The following NAV1 variants were observed in gnomAD, a reference collection of about 807,000 sequenced individuals.
The protein encoded by NAV1 is pore membrane and/or filament interacting like protein 3.
NAV1 carries 18 observed loss-of-function variants against 175.2 expected under a neutral mutation model. That is an observed-to-expected ratio of 0.10 (90% CI 0.07 to 0.15). The LOEUF is 0.15. NAV1 is among the 10% of genes least tolerant of loss of function. The pLI is 1.00. For missense variants in NAV1, 1,731 were observed against 2,436.6 expected (o/e 0.71, Z 6.10); for synonymous variants, 897 against 978.7 (o/e 0.92, Z 1.56).
At chr1:201,766,221 A>G (rs1335651866) in intron 3 of NAV1, among the ~76,000 whole-genome samples, 1 of 151,896 alleles carries the variant, frequency 6.6e-6, no homozygotes, top group Non-Finnish European at 1.5e-5. Context: ...TCTCTGCCCC[A>G]CCCTCTCTTC....
intron 1 of NAV1, among the ~76,000 whole-genome samples, 182 bp downstream of exon 5, chr1:201,649,607 T>C (rs1168444615): frequency 2.0e-5 from 3 of 152,186 alleles, no homozygotes; most frequent in East Asian, 3.9e-4. Flanking sequence ...CAGATGCGCA[T>C]GGCTCAAGTG....
chr1:201,675,410 AG>A (rs1208177980), intron 1 of NAV1, among the ~76,000 whole-genome samples: 1 of 152,192 alleles, frequency 6.6e-6, no homozygotes, highest in Non-Finnish European at 1.5e-5. Flanking sequence ...TCACAAGGCC[AG>A]GGCTGGCCAG....
Position 201,811,593 on chromosome 1 carries a change from T to G in NAV1, c.4798-10T>G. 1 of 1,614,102 alleles carries G rather than the reference T, an allele frequency of 6.2e-7. No homozygotes were observed. The highest frequency in any genetic ancestry group is 8.5e-7 in the Non-Finnish European group (1 of 1,180,004). ...CCCAAGTGCTGACCCACAGCCTTCT[T>G]TTATTCCAGGATCTGCAACTGTATC... is the stretch of plus-strand genomic sequence containing the variant. On this transcript the variant is annotated splice_polypyrimidine_tract_variant and intron_variant, in intron 24 of 29. Transcript: ENST00000367296.
intron 3 of NAV1, among the ~76,000 whole-genome samples, chr1:201,751,562 A>G (rs1674108275): frequency 6.6e-6 from 1 of 152,180 alleles, no homozygotes; most frequent in South Asian, 2.1e-4. Context: ...ATCCAATCTC[A>G]TGGGGTGTTG....
chr1:201,592,059 T>A (rs1480769120), intron 2 of NAV1, among the ~76,000 whole-genome samples: 1 of 152,136 alleles, frequency 6.6e-6, no homozygotes, highest in East Asian at 1.9e-4. Context: ...CAGAGGTGTC[T>A]TCTCTCCCTC....
chr1:201,602,670 T>G (rs1372908642), intron 2 of NAV1, among the ~76,000 whole-genome samples: 17 of 144,454 alleles, frequency 1.2e-4, no homozygotes, highest in African/African-American at 3.9e-4. Context: ...TTTTTTGGTT[T>G]TTTTTTTACC....
At chr1:201,816,842 T>G (rs770438580) in intron 28 of NAV1, 58 of 478,878 alleles carry the variant, frequency 1.2e-4, no homozygotes, top group Non-Finnish European at 2.1e-4. Flanking sequence ...TTTTTTTTTC[T>G]TTTTTCTTTT....
rs187860654 is a variant in NAV1, at chr1:201,662,042, G to A, written c.757+12617G>A. Among the ~76,000 whole-genome samples, 29 of 152,362 alleles carry A rather than the reference G, an allele frequency of 1.9e-4. 1 individual carries two copies. The East Asian group carries it at 5.0e-3, about 26-fold the overall frequency. On this transcript the variant is annotated intron_variant, in intron 1 of 29. Coordinates refer to ENST00000367296, the Ensembl canonical transcript of NAV1. ...TTCCCCAAGGTCACACAGCCACGAA[G>A]TGGAGTCTGGGTATGACCCCCAGGC...
At chr1:201,602,928 A>G (rs918419673) in intron 2 of NAV1, among the ~76,000 whole-genome samples, 2 of 152,162 alleles carry the variant, frequency 1.3e-5, no homozygotes, top group African/African-American at 4.8e-5. Context: ...TGCTGTTGGT[A>G]TTATTGGAAA....
At chr1:201,561,354 G>A (rs1431590381) in intron 1 of NAV1, among the ~76,000 whole-genome samples, 2 of 152,200 alleles carry the variant, frequency 1.3e-5, no homozygotes, top group Non-Finnish European at 1.5e-5. Flanking sequence ...GAAGGTAAAC[G>A]AATCTGCCCC....
chr1:201,562,189 G>A (rs1037279364), intron 1 of NAV1, among the ~76,000 whole-genome samples: 9 of 58,692 alleles, frequency 1.5e-4, no homozygotes, highest in Admixed American at 5.6e-4. Context: ...TTTTTTTTTT[G>A]TAGAGACAGC....
intron 2 of NAV1, among the ~76,000 whole-genome samples, chr1:201,596,449 C>T (rs2102223058): frequency 6.6e-6 from 1 of 152,358 alleles, no homozygotes; most frequent in Admixed American, 6.5e-5. Context: ...AGTCCTGTTA[C>T]TGGCTGGGCT....
intron 1 of NAV1, among the ~76,000 whole-genome samples, chr1:201,655,909 AG>A (rs1669387729): frequency 6.6e-6 from 1 of 152,064 alleles, no homozygotes; most frequent in African/African-American, 2.4e-5. Context: ...ATAGGTGGGA[AG>A]CTCCCATTAG....
chr1:201,599,432 T>C (rs549737702), intron 2 of NAV1, among the ~76,000 whole-genome samples: 1 of 152,174 alleles, frequency 6.6e-6, no homozygotes, highest in African/African-American at 2.4e-5. Flanking sequence ...CATCCCTTTT[T>C]CCCAGATGCA....
Position 201,598,588 on chromosome 1 carries a change from G to T in NAV1, c.-33+9939G>T, listed in dbSNP as rs115326403. Among the ~76,000 whole-genome samples the T allele has an allele frequency of 2.5e-3, 388 of 152,352 alleles. 2 individuals are homozygous for T. The highest frequency in any genetic ancestry group is 8.9e-3 in the African/African-American group (370 of 41,570). On this transcript the variant is annotated intron_variant, in intron 2 of 33. Coordinates refer to the NAV1 transcript ENST00000685211. Reference sequence around the variant, plus strand: ...GGCCAAGAAAACTGGCAGGACCACAGGACCAACTGGATGTGCTTCGCCTGG... The same window carrying T: ...GGCCAAGAAAACTGGCAGGACCACATGACCAACTGGATGTGCTTCGCCTGG...
At chr1:201,684,496 CAG>C (rs1479340224) in intron 1 of NAV1, among the ~76,000 whole-genome samples, 1 of 116,648 alleles carries the variant, frequency 8.6e-6, no homozygotes, top group Non-Finnish European at 1.7e-5. Context: ...TTTTTTTAGA[CAG>C]AGTCTCACTC....
At chr1:201,755,873 A>G (rs1485641689) in intron 3 of NAV1, among the ~76,000 whole-genome samples, 2 of 152,076 alleles carry the variant, frequency 1.3e-5, no homozygotes, top group Non-Finnish European at 2.9e-5. Flanking sequence ...TTGGGAGGCT[A>G]AGGTGGGTGG....
At chr1:201,720,976 G>A (rs1257772319) in intron 3 of NAV1, among the ~76,000 whole-genome samples, 3 of 151,972 alleles carry the variant, frequency 2.0e-5, no homozygotes, top group Non-Finnish European at 4.4e-5. Flanking sequence ...GGAATGCAGG[G>A]GGAAAGGGTA....
intron 2 of NAV1, among the ~76,000 whole-genome samples, chr1:201,597,862 G>A (rs1472126786): frequency 2.0e-5 from 3 of 152,236 alleles, no homozygotes; most frequent in Non-Finnish European, 4.4e-5. Context: ...CCTGTGAGGT[G>A]TGCCATCTCC....
Sources: allele counts gnomAD v4.1 joint callset (sites outside exome capture counted in the v4.1 genomes callset), GRCh38; gene constraint gnomAD v4.1.1; transcripts MANE v1.5; gene names NCBI Gene and HGNC (gene_info 2026-07-23, HGNC 2026-07-21).